VSIG10: variants seen among roughly 807,000 people sequenced by gnomAD.
VSIG10 encodes V-set and immunoglobulin domain containing 10.
VSIG10 carries 48 observed loss-of-function variants against 58.7 expected under a neutral mutation model. The observed-to-expected ratio is 0.82, with a 90% CI of 0.65 to 1.04. The LOEUF (loss-of-function observed/expected upper bound fraction) is 1.04, where lower values mean the gene tolerates loss of function less well. Among genes scored for constraint, VSIG10 ranks in the 50% least tolerant of loss-of-function variants. VSIG10 has a pLI of 0.00. For synonymous variants in VSIG10, 260 were observed against 267.1 expected, an observed-to-expected ratio of 0.97 and a Z score of 0.26; for missense variants, 628 against 670.0, an observed-to-expected ratio of 0.94 and a Z score of 0.69.
intron 2 of VSIG10, among the ~76,000 whole-genome samples, chr12:118,089,902 T>C (rs1370554913): frequency 6.6e-6 from 1 of 152,118 alleles, no homozygotes; most frequent in Non-Finnish European, 1.5e-5. Flanking sequence ...AATTCTCCCT[T>C]CCCTGTTTTA....
rs780816567 is a variant in VSIG10, at chr12:118,066,484, T to A, written c.*155A>T. The A allele has an allele frequency of 1.1e-3, 767 of 727,908 alleles. 12 individuals are homozygous for A. The highest frequency in any genetic ancestry group is 2.7e-4 in the Middle Eastern group (1 of 3,754). The allele number at this position is 727,908 out of a possible 1,614,324, so 45.1% of individuals were successfully genotyped here. The stretch of plus-strand genomic sequence containing the variant: ...GTTTTTCAATACATGGAAGGAAAGA[T>A]GTGTGTGCTTGGTTTTGTTTTTTGC... On this transcript the variant is annotated 3_prime_UTR_variant, in exon 9 of 9. Coordinates refer to ENST00000359236, the MANE Select transcript of VSIG10 (RefSeq NM_019086.6).
chr12:118,082,017 TAAAAAAAAAAA>T, intron 3 of VSIG10, 99 bp downstream of exon 3: 1 of 848,820 alleles, frequency 1.2e-6, no homozygotes, highest in Non-Finnish European at 1.6e-6. Context: ...AACTCCATCT[TAAAAAAAAAAA>T]AAAAAAAAAA....
rs1313114683 is a variant in VSIG10 at position 118,095,615 on chromosome 12, C to G, written c.279G>C (p.Leu93=). 1 of 1,613,356 alleles carries G rather than the reference C, an allele frequency of 6.2e-7. No individual in the cohort carries two copies. Residue 93 remains leucine (L), a synonymous_variant, in exon 2 of 9, where the codon CTG becomes CTC. Coordinates refer to ENST00000359236, the MANE Select transcript of VSIG10 (RefSeq NM_019086.6). ...VDATSLHIES[L]SLGDEGIYTC... is the part of the protein sequence containing the mutation. ...TGTAGATTCCCTCATCTCCCAGGCT[C>G]AGCGATTCAATGTGCAGGGAGGTGG...
intron 2 of VSIG10, among the ~76,000 whole-genome samples, chr12:118,092,035 C>T (rs573920278): frequency 5.9e-5 from 9 of 151,986 alleles, no homozygotes; most frequent in Admixed American, 2.6e-4. Context: ...CGATTACAGG[C>T]GTGAGCCACC....
At chr12:118,071,202 G>T in intron 6 of VSIG10, 135 bp from the exon 7 acceptor site, 1 of 1,218,508 alleles carries the variant, frequency 8.2e-7, no homozygotes, top group Non-Finnish European at 1.2e-6. Flanking sequence ...GGGTGTCCCG[G>T]GATGGTACTT....
In VSIG10 at chr12:118,066,582, T is replaced by C; in HGVS notation, c.*57A>G. On this transcript the variant is annotated 3_prime_UTR_variant, in exon 9 of 9. Coordinates refer to ENST00000359236, the MANE Select transcript of VSIG10 (RefSeq NM_019086.6). ...GAGTCAAAGCTGAATGAAGAGCTCG[T>C]CTTCAATGTAGCTCTCCAAGCTTTC... 6.3e-7 allele frequency: 1 copy of C among 1,590,362 alleles called. No individual in the cohort carries two copies. Among genetic ancestry groups the C allele is most frequent in the East Asian group, 2.2e-5 (1 of 44,724 alleles).
chr12:118,103,853 G>A lies in VSIG10; in HGVS notation c.-182C>T, dbSNP rs1321264338. 3 of 522,268 alleles carry A rather than the reference G, an allele frequency of 5.7e-6. No individual in the cohort carries two copies. The highest frequency in any genetic ancestry group is 9.2e-6 in the Non-Finnish European group (3 of 324,834). The allele number at this position is 522,268 out of a possible 1,614,324, so 32.4% of individuals were successfully genotyped here. On this transcript the variant is annotated 5_prime_UTR_variant, in exon 1 of 9. Transcript: ENST00000359236. ...AGCCGAGTGTCCAGGGCCGGCAGCG[G>A]AGCTCGGCTGCAGGCTCGGGTCCCC...
In VSIG10 at chr12:118,071,416, C is replaced by T; in HGVS notation, c.1273G>A (p.Gly425Arg). 6.2e-7 allele frequency: 1 copy of T among 1,613,920 alleles called. No homozygotes were observed. Among genetic ancestry groups the T allele is most frequent in the Non-Finnish European group, 8.5e-7 (1 of 1,179,888 alleles). The change falls in exon 6 of 9, where the codon GGA becomes AGA. Residue 425 changes from glycine (G) to arginine (R), a missense_variant. Gly to Arg is a moderately radical substitution (Grantham distance 125, BLOSUM62 -2). Coordinates refer to ENST00000359236, the MANE Select transcript of VSIG10 (RefSeq NM_019086.6). The part of the protein sequence containing the change: ...VGTIVSLLLL[G>R]LAIISGLLLH... ...AGAAGCCCTGAGATAATGGCCAGTC[C>T]CAGCAGAAGGAGGCTCACAATGGTT...
At position 118,082,328 on chromosome 12, in the gene VSIG10, T is replaced by C. The variant is rs2032984492; in HGVS notation, c.463A>G (p.Ser155Gly). The C allele has an allele frequency of 1.2e-6, 2 of 1,613,852 alleles. No individual in the cohort carries two copies. Among genetic ancestry groups the C allele is most frequent in the East Asian group, 2.2e-5 (1 of 44,880 alleles). Residue 155 changes from serine (S) to glycine (G), a missense_variant, in exon 3 of 9, where the codon AGC becomes GGC. Ser to Gly is a moderately conservative substitution (Grantham distance 56). Transcript: ENST00000359236. ...ACCACGGGTGGTGGCCTGGAGCTGC[T>C]GTTGCAGCTGAAGTCCACCTGGGAG... is the stretch of plus-strand genomic sequence containing the variant. ...RGSQVDFSCN[S>G]SSRPPPVVEW... is the part of the protein sequence containing the mutation.
Position 118,095,931 on chromosome 12 carries a change from T to TC in VSIG10, c.80-118_80-117insG, listed in dbSNP as rs1376148156. The TC allele has an allele frequency of 3.0e-6, 4 of 1,316,410 alleles. No individual in the cohort carries two copies. In the African/African-American group the frequency reaches 6.0e-5, roughly 20 times the overall value. 81.5% of individuals were successfully genotyped at this position (1,316,410 alleles called of 1,614,324 possible). A position where few individuals can be genotyped will look rare whatever the true frequency, so the allele number is the denominator to read the frequency against. On this transcript the variant is annotated intron_variant, in intron 1 of 8. Coordinates refer to ENST00000359236, the MANE Select transcript of VSIG10 (RefSeq NM_019086.6). Reference sequence around the variant, plus strand: ...AAAATCAGGTATATGTTCTTTTTTTTTTTTTTTTTTTTGAGACGGAGTCCC... The same window carrying TC: ...AAAATCAGGTATATGTTCTTTTTTTTCTTTTTTTTTTTTGAGACGGAGTCCC...
At chr12:118,068,023 C>CCTT (rs2032315949) in intron 8 of VSIG10, among the ~76,000 whole-genome samples, 1 of 85,500 alleles carries the variant, frequency 1.2e-5, no homozygotes, top group African/African-American at 5.0e-5. Flanking sequence ...GGTTTGTGGG[C>CCTT]TTTTTTTTTT....
At position 118,076,826 on chromosome 12, in the gene VSIG10, A is replaced by AT. The variant is rs2032747325; in HGVS notation, c.925+2519dup. The stretch of plus-strand genomic sequence containing the variant: ...GCATACCACCATGCCCAGCTACTTT[A>AT]TTTATTTTTTATTGTTTGTAGAAAC... On this transcript the variant is annotated intron_variant, in intron 4 of 8. Transcript: ENST00000359236. Among the ~76,000 whole-genome samples the AT allele has an allele frequency of 6.6e-5, 10 of 151,504 alleles. No homozygotes were observed. In the South Asian group the frequency reaches 2.1e-3, roughly 32 times the overall value.
chr12:118,093,291 T>G (rs1480203335), intron 2 of VSIG10, among the ~76,000 whole-genome samples: 1 of 148,352 alleles, frequency 6.7e-6, no homozygotes, highest in Non-Finnish European at 1.5e-5. Context: ...AGAGTGAGAC[T>G]CCATCTCAAA....
At position 118,082,088 on chromosome 12, in the gene VSIG10, A is replaced by G. The variant is rs753823857; in HGVS notation, c.664+39T>C. The G allele has an allele frequency of 1.7e-5, 27 of 1,593,500 alleles. No individual in the cohort carries two copies. In the East Asian group the frequency reaches 5.8e-4, roughly 34 times the overall value. Reference sequence around the variant, plus strand: ...GCAGTTCATAAGTTCACAAAGGGTTAAGGGGAAGAAGCGGGGCAGAGGAGT... The same window carrying G: ...GCAGTTCATAAGTTCACAAAGGGTTGAGGGGAAGAAGCGGGGCAGAGGAGT... On this transcript the variant is annotated intron_variant, in intron 3 of 8. Coordinates refer to ENST00000359236, the MANE Select transcript of VSIG10 (RefSeq NM_019086.6).
chr12:118,069,642 G>C (rs948050048), intron 7 of VSIG10, among the ~76,000 whole-genome samples: 1 of 151,790 alleles, frequency 6.6e-6, no homozygotes, highest in Non-Finnish European at 1.5e-5. Context: ...GGTCAGGCTG[G>C]TCTCGAACTC....
chr12:118,090,558 G>A (rs928439745), intron 2 of VSIG10, among the ~76,000 whole-genome samples: 2 of 152,086 alleles, frequency 1.3e-5, no homozygotes, highest in South Asian at 2.1e-4. Flanking sequence ...CACACGAGGC[G>A]AGGCCCCTGC....
chr12:118,099,509 G>T (rs1592900027), intron 1 of VSIG10, among the ~76,000 whole-genome samples: 2 of 152,060 alleles, frequency 1.3e-5, no homozygotes, highest in East Asian at 3.9e-4. Context: ...TAGGTAACAA[G>T]AAGCAAATGC....
intron 1 of VSIG10, among the ~76,000 whole-genome samples, chr12:118,098,068 G>A (rs1419783881): frequency 6.6e-6 from 1 of 152,120 alleles, no homozygotes; most frequent in Non-Finnish European, 1.5e-5. Context: ...CAGCCTGTGG[G>A]TAATAAGCAC....
chr12:118,098,796 T>G (rs979257458), intron 1 of VSIG10, among the ~76,000 whole-genome samples: 1 of 152,152 alleles, frequency 6.6e-6, no homozygotes, highest in Admixed American at 6.6e-5. Flanking sequence ...GTTAGAAATA[T>G]AAATTATCAA....
Sources: allele counts gnomAD v4.1 joint callset (sites outside exome capture counted in the v4.1 genomes callset), GRCh38; gene constraint gnomAD v4.1.1; transcripts MANE v1.5; gene names NCBI Gene and HGNC (gene_info 2026-07-23, HGNC 2026-07-21).